Variants in CMSS1 observed in about 807,000 individuals in gnomAD.
CMSS1 encodes the protein protein CMSS1.
Under a neutral mutation model 43.5 loss-of-function variants are expected in CMSS1, and 33 were observed. That is an observed-to-expected ratio of 0.76 (90% CI 0.57 to 1.01). The LOEUF is 1.01. CMSS1 is among the 50% of genes least tolerant of loss of function. The pLI, the probability that CMSS1 is intolerant of heterozygous loss-of-function variation, is 0.00. For synonymous variants in CMSS1, 115 were observed against 117.2 expected, an observed-to-expected ratio of 0.98 and a Z score of 0.12; for missense variants, 313 against 326.4, an observed-to-expected ratio of 0.96 and a Z score of 0.32.
intron 1 of CMSS1, among the ~76,000 whole-genome samples, chr3:100,142,431 T>A (rs1266318954): frequency 6.6e-6 from 1 of 152,226 alleles, no homozygotes; most frequent in African/African-American, 2.4e-5. Flanking sequence ...CTAGAGATAA[T>A]TTAAAGTATA....
intron 1 of CMSS1, among the ~76,000 whole-genome samples, chr3:99,996,040 G>A (rs1040275112): frequency 5.9e-5 from 9 of 152,130 alleles, no homozygotes; most frequent in South Asian, 2.1e-4. Flanking sequence ...CTTGAATTCC[G>A]CCTCAGAAAA....
At chr3:100,109,278 C>T (rs796819570) in intron 1 of CMSS1, among the ~76,000 whole-genome samples, 5 of 152,092 alleles carry the variant, frequency 3.3e-5, no homozygotes, top group African/African-American at 9.6e-5. Context: ...AAGCAGGATA[C>T]GCTGGTTGAA....
intron 1 of CMSS1, among the ~76,000 whole-genome samples, chr3:99,877,279 G>T (rs546318251): frequency 5.4e-4 from 83 of 152,312 alleles, no homozygotes; most frequent in African/African-American, 1.9e-3. Context: ...TTCCTATTAT[G>T]ATGTACATAT....
At chr3:99,851,756 G>A (rs1047727783) in intron 1 of CMSS1, among the ~76,000 whole-genome samples, 1 of 152,186 alleles carries the variant, frequency 6.6e-6, no homozygotes, top group South Asian at 2.1e-4. Flanking sequence ...TAGAAGTTAT[G>A]CACTTCACTG....
chr3:99,896,202 G>A (rs1334939566), intron 1 of CMSS1, among the ~76,000 whole-genome samples: 1 of 152,192 alleles, frequency 6.6e-6, no homozygotes, highest in Admixed American at 6.5e-5. Context: ...TACATAAAGG[G>A]AGTAGGTCAG....
chr3:100,091,436 GGAA>G (rs1277313955), intron 1 of CMSS1, among the ~76,000 whole-genome samples: 23 of 152,306 alleles, frequency 1.5e-4, no homozygotes, highest in African/African-American at 5.5e-4. Context: ...GTTTTGTAAG[GGAA>G]GAAGAAGTGT....
At chr3:100,044,470 G>T (rs1217668147) in intron 1 of CMSS1, among the ~76,000 whole-genome samples, 1 of 152,164 alleles carries the variant, frequency 6.6e-6, no homozygotes, top group African/African-American at 2.4e-5. Flanking sequence ...GAGTATACAA[G>T]AGCATCACAG....
chr3:100,099,371 G>A (rs1410006623), intron 1 of CMSS1, among the ~76,000 whole-genome samples: 2 of 152,098 alleles, frequency 1.3e-5, no homozygotes, highest in Non-Finnish European at 2.9e-5. Context: ...TGCATTAAAC[G>A]AGTAAGCTAT....
chr3:99,897,646 A>C (rs191687027), intron 1 of CMSS1, among the ~76,000 whole-genome samples: 319 of 152,320 alleles, frequency 2.1e-3, no homozygotes, highest in Non-Finnish European at 3.7e-3. Flanking sequence ...CAGAATACTG[A>C]AAGTAGAAAA....
intron 1 of CMSS1, among the ~76,000 whole-genome samples, chr3:99,984,196 A>G (rs528068962): frequency 3.3e-5 from 5 of 152,238 alleles, no homozygotes; most frequent in Non-Finnish European, 7.4e-5. Context: ...TTGGAATGTG[A>G]TTGTTTGAGA....
intron 1 of CMSS1, among the ~76,000 whole-genome samples, chr3:99,919,993 G>A (rs1172437857): frequency 2.0e-5 from 3 of 152,304 alleles, no homozygotes; most frequent in Non-Finnish European, 2.9e-5. Context: ...TCTTTGTGGT[G>A]TTTGAGAAGC....
chr3:99,888,967 A>G (rs1705999292), intron 1 of CMSS1, among the ~76,000 whole-genome samples: 1 of 152,152 alleles, frequency 6.6e-6, no homozygotes. Flanking sequence ...TGATTACATT[A>G]TATTCAGAGA....
At chr3:99,983,385 AATAAATATATATATATAT>A (rs1288018238) in intron 1 of CMSS1, among the ~76,000 whole-genome samples, 3 of 84,076 alleles carry the variant, frequency 3.6e-5, no homozygotes, top group East Asian at 2.5e-4. Flanking sequence ...AAAATAAATA[AATAAATATATATATATAT>A]ATATATATAT....
At chr3:100,098,316 C>T (rs780735847) in intron 1 of CMSS1, among the ~76,000 whole-genome samples, 4 of 152,126 alleles carry the variant, frequency 2.6e-5, no homozygotes, top group Non-Finnish European at 4.4e-5. Context: ...AGTGAAAAAC[C>T]CTATATTTGA....
At chr3:99,983,038 A>G (rs1415307883) in intron 1 of CMSS1, among the ~76,000 whole-genome samples, 3 of 151,004 alleles carry the variant, frequency 2.0e-5, no homozygotes, top group Non-Finnish European at 4.4e-5. Flanking sequence ...GAGGGAAGTC[A>G]TTGTTCTGTA....
At position 100,162,396 on chromosome 3, in the gene CMSS1, C is replaced by T. The variant is rs143040480; in HGVS notation, c.319C>T (p.Arg107Cys). The change falls in exon 4 of 10, where the codon CGC (arginine) becomes TGC (cysteine). Residue 107 changes from arginine (R) to cysteine (C), a missense_variant. Arg to Cys is a radical substitution (Grantham distance 180). Transcript: ENST00000421999. ...GATGAAGGACTATTATAGCAGCAGA[C>T]GCTTGGTGATTGAATTAGAAGAACT... ...KLMKDYYSSR[R>C]LVIELEELNL... 4.8e-5 allele frequency: 78 copies of T among 1,613,142 alleles called. No individual in the cohort carries two copies. In the African/African-American group the frequency reaches 5.5e-4, roughly 11 times the overall value.
In CMSS1 at chr3:100,070,693, G is replaced by A. The variant is rs577599426; in HGVS notation, c.65-76280G>A. On this transcript the variant is annotated intron_variant, in intron 1 of 9. Transcript: ENST00000421999. ...TTGGCCCACGCTGGAGTGCAGTGGCGCAATCTCGGCTCACTGCAACCTCCA... is the reference window on the plus strand; with the variant it reads ...TTGGCCCACGCTGGAGTGCAGTGGCACAATCTCGGCTCACTGCAACCTCCA... Among the ~76,000 whole-genome samples, 384 of 152,192 alleles carry A rather than the reference G, an allele frequency of 2.5e-3. 4 individuals are homozygous for A. The highest frequency in any genetic ancestry group is 8.7e-3 in the African/African-American group (362 of 41,502).
chr3:99,929,058 C>A (rs1447482838), intron 1 of CMSS1, among the ~76,000 whole-genome samples: 1 of 152,200 alleles, frequency 6.6e-6, no homozygotes, highest in African/African-American at 2.4e-5. Context: ...CTGAAACTTG[C>A]TTTCACTCTC....
At chr3:99,962,079 C>T (rs1381979656) in intron 1 of CMSS1, among the ~76,000 whole-genome samples, 1 of 152,136 alleles carries the variant, frequency 6.6e-6, no homozygotes, top group Non-Finnish European at 1.5e-5. Flanking sequence ...CTGAAGAGTA[C>T]TATGAGTTAC....
Sources: gnomAD v4.1 joint callset for allele counts (sites outside exome capture counted in the v4.1 genomes callset) on GRCh38, gnomAD v4.1.1 for gene constraint, MANE v1.5 for transcripts, NCBI Gene and HGNC (gene_info 2026-07-23, HGNC 2026-07-21) for gene names.